Variants in SGTB observed in about 807,000 individuals in gnomAD.
The protein encoded by SGTB is small glutamine-rich tetratricopeptide repeat-containing protein beta.
Under a neutral mutation model 43.9 loss-of-function variants are expected in SGTB, and 19 were observed. The observed-to-expected ratio is 0.43, with a 90% CI of 0.30 to 0.63. The LOEUF (loss-of-function observed/expected upper bound fraction) is 0.63, where lower values mean the gene tolerates loss of function less well. Ranked by LOEUF, SGTB falls within the 30% of genes least tolerant of loss-of-function variation. The pLI is 0.12. For synonymous variants in SGTB, 116 were observed against 117.3 expected (o/e 0.99, Z 0.07); for missense variants, 304 against 358.9 (o/e 0.85, Z 1.24).
intron 8 of SGTB, among the ~76,000 whole-genome samples, chr5:65,679,624 C>A (rs57182323): frequency 0.035 from 5,289 of 152,004 alleles, 312 homozygotes; most frequent in African/African-American, 0.12. Context: ...TCTCAAAAAA[C>A]AAACAAACAA....
intron 2 of SGTB, among the ~76,000 whole-genome samples, chr5:65,716,380 GATCACTGGTGCCTGTGTTTGGAACA>G (rs1205942381): frequency 6.6e-6 from 1 of 152,220 alleles, no homozygotes; most frequent in Non-Finnish European, 1.5e-5. Flanking sequence ...TGTTTGTAAA[GATCACTGGTGCCTGTGTTTGGAACA>G]GCCAATGGAG....
At chr5:65,706,007 C>T (rs2150719620) in intron 4 of SGTB, among the ~76,000 whole-genome samples, 1 of 151,912 alleles carries the variant, frequency 6.6e-6, no homozygotes, top group African/African-American at 2.4e-5. Context: ...CTGCAATCCA[C>T]CCTGGTCGAA....
chr5:65,670,567 C>T (rs1021202298), intron 10 of SGTB, among the ~76,000 whole-genome samples: 1 of 151,930 alleles, frequency 6.6e-6, no homozygotes, highest in African/African-American at 2.4e-5. Flanking sequence ...AACAAAACAC[C>T]CATGCTAAAA....
In SGTB at chr5:65,708,862, GA is replaced by G. The variant is rs371204387; in HGVS notation, c.205-305del. Among the ~76,000 whole-genome samples, 630 of 152,146 alleles carry G rather than the reference GA, an allele frequency of 4.1e-3. 5 individuals carry two copies. The highest frequency in any genetic ancestry group is 0.014 in the African/African-American group (599 of 41,502). On this transcript the variant is annotated intron_variant, in intron 3 of 10. Coordinates refer to ENST00000381007, the MANE Select transcript of SGTB (RefSeq NM_019072.3). ...TCGAGACCAGCCTGGGCAATATGGT[GA>G]AACCCCGTCTCTATAGAAAACACAA...
intron 4 of SGTB, among the ~76,000 whole-genome samples, chr5:65,707,223 AC>A (rs999154173): frequency 3.8e-4 from 58 of 151,824 alleles, no homozygotes; most frequent in Non-Finnish European, 5.3e-4. Flanking sequence ...AGATCCTGCC[AC>A]TGCACTCCAG....
intron 3 of SGTB, among the ~76,000 whole-genome samples, chr5:65,709,423 G>A (rs1002054382): frequency 3.4e-4 from 51 of 150,120 alleles, no homozygotes; most frequent in Admixed American, 2.6e-3. Flanking sequence ...TCTTTTGCCA[G>A]GCTGAAGTGC....
upstream of SGTB, chr5:65,722,959 T>G (rs73099352): frequency 6.6e-6 from 1 of 152,626 alleles, no homozygotes; most frequent in Non-Finnish European, 1.5e-5. Context: ...CCGGTGCAAA[T>G]TGACTTGGCC....
chr5:65,708,877 T>C lies in SGTB; in HGVS notation c.205-319A>G, dbSNP rs549922293. On this transcript the variant is annotated intron_variant, in intron 3 of 10. Transcript: ENST00000381007. Reference sequence around the variant, plus strand: ...GCAATATGGTGAAACCCCGTCTCTATAGAAAACACAAAAATTAACAAGGTG... The same window carrying C: ...GCAATATGGTGAAACCCCGTCTCTACAGAAAACACAAAAATTAACAAGGTG... Among the ~76,000 whole-genome samples, 14 of 151,976 alleles carry C rather than the reference T, an allele frequency of 9.2e-5. No individual in the cohort carries two copies. In the South Asian group the frequency reaches 2.1e-3, roughly 23 times the overall value.
Position 65,720,733 on chromosome 5 carries a change from GGT to G in SGTB, c.73_74del (p.Thr25LeufsTer3), listed in dbSNP as rs1758254994. On this transcript the variant is annotated frameshift_variant, in exon 2 of 11. Transcript: ENST00000381007. LOFTEE classifies it high-confidence loss of function. ...LREQSQMDTYTSDEQESLEVA... is the reference protein window; with the variant it reads ...LREQSQMDTYXSDEQESLEVA... ...CTTCCAAACTTTCTTGTTCATCCGA[GGT>G]GTAAGTGTCCATCTGACTTTGTTCC... is the stretch of plus-strand genomic sequence containing the variant. 6.2e-7 allele frequency: 1 copy of G among 1,613,724 alleles called. No individual in the cohort carries two copies. The highest frequency in any genetic ancestry group is 1.3e-5 in the African/African-American group (1 of 74,888).
chr5:65,720,791 T>G lies in SGTB; in HGVS notation c.17A>C (p.His6Pro). The G allele has an allele frequency of 6.2e-7, 1 of 1,613,700 alleles. No individual in the cohort carries two copies. Among genetic ancestry groups the G allele is most frequent in the African/African-American group, 1.3e-5 (1 of 75,056 alleles). MSSIK[H>P]LVYAVIRFLR... ...GAAACGAATAACTGCATAAACCAGG[T>G]GCTTGATAGATGACATTTTAGAAGC... Residue 6 changes from histidine (H) to proline (P), a missense_variant, in exon 2 of 11, where the codon CAC (histidine) becomes CCC (proline). Coordinates refer to ENST00000381007, the MANE Select transcript of SGTB (RefSeq NM_019072.3).
At chr5:65,691,119 A>G (rs567079649) in intron 5 of SGTB, among the ~76,000 whole-genome samples, 1 of 152,332 alleles carries the variant, frequency 6.6e-6, no homozygotes, top group Admixed American at 6.5e-5. Flanking sequence ...ATACAAATAT[A>G]AAATGGGGGA....
At chr5:65,712,836 G>A (rs1758068582) in intron 3 of SGTB, 125 bp downstream of exon 3, 1 of 622,858 alleles carries the variant, frequency 1.6e-6, no homozygotes, top group Admixed American at 3.1e-5. Context: ...CATATAGACA[G>A]ACTATTTACC....
rs1757058747 is a variant in SGTB at position 65,667,316 on chromosome 5, AT to A, written c.*2929del. 1 of 152,216 alleles carries A rather than the reference AT, an allele frequency of 6.6e-6. No homozygotes were observed. Among genetic ancestry groups the A allele is most frequent in the South Asian group, 2.1e-4 (1 of 4,828 alleles). The allele number at this position is 152,216 out of a possible 1,614,324, so 9.4% of individuals were successfully genotyped here. On this transcript the variant is annotated 3_prime_UTR_variant, in exon 11 of 11. Coordinates refer to ENST00000381007, the MANE Select transcript of SGTB (RefSeq NM_019072.3). Reference sequence around the variant, plus strand: ...TTTCTAGGCAGTCAGCTAGAAGCTTATCTTATTGCTCTAAAAGCATTTTTAA... The same window carrying A: ...TTTCTAGGCAGTCAGCTAGAAGCTTACTTATTGCTCTAAAAGCATTTTTAA...
chr5:65,704,167 T>C (rs1344665960), intron 5 of SGTB, 112 bp downstream of exon 5: 2 of 715,740 alleles, frequency 2.8e-6, no homozygotes, highest in Non-Finnish European at 4.1e-6. Context: ...TCCTTCTTTA[T>C]ATTTTTCTGA....
chr5:65,699,498 G>A (rs984546949), intron 5 of SGTB, among the ~76,000 whole-genome samples: 2 of 152,146 alleles, frequency 1.3e-5, no homozygotes, highest in African/African-American at 2.4e-5. Context: ...CAATTCATCC[G>A]TGTAACCAAA....
At chr5:65,698,930 G>C (rs1267195258) in intron 5 of SGTB, among the ~76,000 whole-genome samples, 1 of 152,180 alleles carries the variant, frequency 6.6e-6, no homozygotes, top group Admixed American at 6.5e-5. Context: ...TACACTGCTA[G>C]TGGAAATGTA....
rs750632518 is a variant in SGTB at position 65,680,805 on chromosome 5, T to C, written c.480-11A>G. 34 of 1,610,080 alleles carry C rather than the reference T, an allele frequency of 2.1e-5. No homozygotes were observed. The highest frequency in any genetic ancestry group is 1.6e-4 in the African/African-American group (12 of 74,762). On this transcript the variant is annotated splice_polypyrimidine_tract_variant and intron_variant, in intron 6 of 10. Transcript: ENST00000381007. The stretch of plus-strand genomic sequence containing the variant: ...GCAGTGAGGGCCAGCCTGAAGGGAA[T>C]AGAATATAAGAATATCAGATATATG...
chr5:65,685,286 G>A, intron 6 of SGTB, 82 bp downstream of exon 6: 8 of 1,152,266 alleles, frequency 6.9e-6, no homozygotes, highest in Non-Finnish European at 1.0e-5. Context: ...AAAACATTAA[G>A]CAGGAAATTC....
At chr5:65,703,256 T>A (rs1194152357) in intron 5 of SGTB, among the ~76,000 whole-genome samples, 1 of 152,228 alleles carries the variant, frequency 6.6e-6, no homozygotes, top group East Asian at 1.9e-4. Flanking sequence ...GCTGAGTACT[T>A]CTTTGCTAGC....
Sources: allele counts gnomAD v4.1 joint callset (sites outside exome capture counted in the v4.1 genomes callset), GRCh38; gene constraint gnomAD v4.1.1; transcripts MANE v1.5; gene names NCBI Gene and HGNC (gene_info 2026-07-23, HGNC 2026-07-21).